The following SPPL3 variants were observed in gnomAD, a reference collection of about 807,000 sequenced individuals.
The protein encoded by SPPL3 is signal peptide peptidase like 3.
SPPL3 carries 5 observed loss-of-function variants against 42.4 expected under a neutral mutation model. That is an observed-to-expected ratio of 0.12 (90% CI 0.06 to 0.25). SPPL3 has a LOEUF of 0.25. Ranked by LOEUF, SPPL3 falls within the 10% of genes least tolerant of loss-of-function variation. The pLI is 1.00. For synonymous variants in SPPL3, 195 were observed against 181.8 expected (o/e 1.07, Z -0.58); for missense variants, 235 against 489.0 (o/e 0.48, Z 4.90).
Position 120,762,619 on chromosome 12 carries a change from A to ATTTTTTTTTT in SPPL3, c.*2379_*2380insAAAAAAAAAA, listed in dbSNP as rs1868701214. On this transcript the variant is annotated 3_prime_UTR_variant, in exon 11 of 11. Coordinates refer to ENST00000353487, the MANE Select transcript of SPPL3 (RefSeq NM_139015.5). The stretch of plus-strand genomic sequence containing the variant: ...CTTTTTTTTTTTTTTTTTGAGATGG[A>ATTTTTTTTTT]GTCTCACCCTGTCGCCCAGACTTGA... 7.7e-6 allele frequency: 1 copy of ATTTTTTTTTT among 130,584 alleles called. No homozygotes were observed. Among genetic ancestry groups the ATTTTTTTTTT allele is most frequent in the Non-Finnish European group, 1.6e-5 (1 of 64,206 alleles). 8.1% of individuals were successfully genotyped at this position (130,584 alleles called of 1,614,324 possible).
At chr12:120,876,843 A>G (rs1217470017) in intron 1 of SPPL3, among the ~76,000 whole-genome samples, 1 of 148,952 alleles carries the variant, frequency 6.7e-6, no homozygotes, top group Non-Finnish European at 1.5e-5. Flanking sequence ...ACACACACAC[A>G]AATTAAATGC....
intron 1 of SPPL3, among the ~76,000 whole-genome samples, chr12:120,822,911 C>T (rs1871114722): frequency 6.6e-6 from 1 of 152,044 alleles, no homozygotes; most frequent in South Asian, 2.1e-4. Flanking sequence ...TGCATGAGGA[C>T]TCTGCTAGGT....
At chr12:120,766,052 G>A (rs1868876838) in intron 10 of SPPL3, among the ~76,000 whole-genome samples, 2 of 151,458 alleles carry the variant, frequency 1.3e-5, no homozygotes, top group Admixed American at 1.3e-4. Flanking sequence ...TCTGTCAGTG[G>A]CTGCACGAAT....
intron 1 of SPPL3, among the ~76,000 whole-genome samples, chr12:120,855,932 T>C (rs1480903471): frequency 6.6e-6 from 1 of 152,112 alleles, no homozygotes; most frequent in Non-Finnish European, 1.5e-5. Context: ...CAAGACTAAA[T>C]GCAATTCTGA....
At chr12:120,790,824 C>T (rs1359159145) in intron 3 of SPPL3, among the ~76,000 whole-genome samples, 8 of 120,584 alleles carry the variant, frequency 6.6e-5, no homozygotes, top group Non-Finnish European at 1.2e-4. Flanking sequence ...TCTATCTTGG[C>T]ACTTTTTTTT....
At chr12:120,823,199 AGTGTGT>A (rs1306921654) in intron 1 of SPPL3, among the ~76,000 whole-genome samples, 1 of 43,234 alleles carries the variant, frequency 2.3e-5, no homozygotes, top group Non-Finnish European at 4.7e-5. Context: ...AGAGACGGAG[AGTGTGT>A]GTGTGGGGGT....
intron 1 of SPPL3, among the ~76,000 whole-genome samples, chr12:120,842,642 C>T (rs560513522): frequency 4.9e-4 from 75 of 152,170 alleles, no homozygotes; most frequent in Admixed American, 1.2e-3. Context: ...GGCAGGTTCT[C>T]GGTGCATCCT....
chr12:120,789,608 T>A (rs1296655160), intron 3 of SPPL3, among the ~76,000 whole-genome samples: 1 of 151,542 alleles, frequency 6.6e-6, no homozygotes, highest in Non-Finnish European at 1.5e-5. Flanking sequence ...ATGGATCACT[T>A]GAGATCAGGA....
At chr12:120,767,319 G>C in intron 9 of SPPL3, 75 bp downstream of exon 9, 1 of 1,480,820 alleles carries the variant, frequency 6.8e-7, no homozygotes, top group Non-Finnish European at 9.3e-7. Flanking sequence ...ACTGTAGCTA[G>C]AAGACCTGAT....
rs1452268713 is a variant in SPPL3, at chr12:120,823,589, T to G, written c.24-12703A>C. Among the ~76,000 whole-genome samples the G allele has an allele frequency of 3.9e-5, 6 of 152,318 alleles. No individual in the cohort carries two copies. The East Asian group carries it at 1.2e-3, about 29-fold the overall frequency. ...GTATTTTCTCCTTCTCCTCTGCCCA[T>G]CAGGGCTCTGTCATCAGTTCTCTTT... On this transcript the variant is annotated intron_variant, in intron 1 of 10. Transcript: ENST00000353487.
At chr12:120,864,452 T>C (rs997610345) in intron 1 of SPPL3, among the ~76,000 whole-genome samples, 3 of 152,146 alleles carry the variant, frequency 2.0e-5, no homozygotes, top group Admixed American at 2.0e-4. Flanking sequence ...GGAGAACTGC[T>C]TGAACCTGGG....
At chr12:120,876,732 A>G (rs1386688624) in intron 1 of SPPL3, among the ~76,000 whole-genome samples, 3 of 151,834 alleles carry the variant, frequency 2.0e-5, no homozygotes, top group East Asian at 1.9e-4. Context: ...AGGGAAACGT[A>G]TAATTTTCAA....
chr12:120,872,091 T>C (rs999950654), intron 1 of SPPL3, among the ~76,000 whole-genome samples: 7 of 152,242 alleles, frequency 4.6e-5, no homozygotes, highest in African/African-American at 1.7e-4. Context: ...ATACTCAACC[T>C]GTTGTTATGC....
chr12:120,792,641 A>G (rs1869957644), intron 2 of SPPL3, among the ~76,000 whole-genome samples: 1 of 147,194 alleles, frequency 6.8e-6, no homozygotes, highest in Admixed American at 6.9e-5. Flanking sequence ...CAGAGGTTGC[A>G]GTGAGCCAAG....
chr12:120,801,893 A>G (rs10774568), intron 2 of SPPL3, among the ~76,000 whole-genome samples: 36,329 of 152,118 alleles, frequency 0.24, 5,520 homozygotes, highest in African/African-American at 0.42. Context: ...GGGTGTAAGT[A>G]TAAATTCCAG....
intron 1 of SPPL3, among the ~76,000 whole-genome samples, chr12:120,895,033 C>T (rs888971936): frequency 6.6e-6 from 1 of 152,152 alleles, no homozygotes; most frequent in African/African-American, 2.4e-5. Flanking sequence ...CCATGCATTC[C>T]AAGGAAAAGC....
At chr12:120,815,683 G>C (rs145724579) in intron 1 of SPPL3, among the ~76,000 whole-genome samples, 2 of 152,212 alleles carry the variant, frequency 1.3e-5, no homozygotes, top group African/African-American at 4.8e-5. Context: ...AGACTCTCTA[G>C]AAACTCTTAA....
chr12:120,816,586 A>G (rs898903510), intron 1 of SPPL3, among the ~76,000 whole-genome samples: 1 of 152,202 alleles, frequency 6.6e-6, no homozygotes, highest in African/African-American at 2.4e-5. Context: ...GTCTTGGCTC[A>G]GTGAAACCTC....
At chr12:120,889,662 T>C (rs752787200) in intron 1 of SPPL3, among the ~76,000 whole-genome samples, 5 of 152,212 alleles carry the variant, frequency 3.3e-5, no homozygotes, top group African/African-American at 1.2e-4. Flanking sequence ...TTCATAAGTA[T>C]ATTTTATTGT....
Sources: allele counts gnomAD v4.1 joint callset (sites outside exome capture counted in the v4.1 genomes callset), GRCh38; gene constraint gnomAD v4.1.1; transcripts MANE v1.5; gene names NCBI Gene and HGNC (gene_info 2026-07-23, HGNC 2026-07-21).